Variants in ADGRE1 observed in about 807,000 individuals in gnomAD.
ADGRE1 encodes EGF-like module receptor 1.
In ADGRE1, 82 loss-of-function variants were observed where a neutral mutation model predicts 102.7. That is an observed-to-expected ratio of 0.80 (90% confidence interval 0.67 to 0.96). ADGRE1 has a LOEUF of 0.96. Ranked by LOEUF, ADGRE1 falls within the 40% of genes least tolerant of loss-of-function variation. ADGRE1 has a pLI of 0.00. For synonymous variants in ADGRE1, 398 were observed against 399.6 expected (o/e 1.00, Z 0.05); for missense variants, 1,032 against 1,085.3 (o/e 0.95, Z 0.69).
At chr19:6,920,282 C>G (rs1433207806) in intron 13 of ADGRE1, among the ~76,000 whole-genome samples, 2 of 149,938 alleles carry the variant, frequency 1.3e-5, no homozygotes, top group African/African-American at 5.0e-5. Context: ...TGCAGTGGCA[C>G]AATTTCAAGT....
At chr19:6,922,503 T>C (rs907557276) in intron 14 of ADGRE1, among the ~76,000 whole-genome samples, 2 of 151,712 alleles carry the variant, frequency 1.3e-5, no homozygotes, top group Non-Finnish European at 2.9e-5. Context: ...TTGTCCCAGC[T>C]ACTTGGGAGG....
chr19:6,895,055 G>A (rs1973501183), intron 2 of ADGRE1: 1 of 152,222 alleles, frequency 6.6e-6, no homozygotes, highest in Admixed American at 6.5e-5. Flanking sequence ...CTTGAAGATG[G>A]AACAGCGTCG....
At chr19:6,893,373 T>G (rs1159218890) in intron 2 of ADGRE1, among the ~76,000 whole-genome samples, 1 of 152,068 alleles carries the variant, frequency 6.6e-6, no homozygotes, top group African/African-American at 2.4e-5. Context: ...AATTTTTTTT[T>G]ATTTTTAGTA....
rs984224875 is a variant in ADGRE1, at chr19:6,908,688, G to A, written c.1039-1G>A. ...TCTTTTTTTTTTTTTCTGGGACGCA[G>A]GTCTCCTTTTGTGCACAAATAAATA... is the stretch of plus-strand genomic sequence containing the variant. On this transcript the variant is annotated splice_acceptor_variant, in intron 9 of 20. Transcript: ENST00000312053. LOFTEE classifies it high-confidence loss of function. 2.5e-6 allele frequency: 4 copies of A among 1,577,092 alleles called. No homozygotes were observed. The highest frequency in any genetic ancestry group is 1.4e-5 in the African/African-American group (1 of 72,044).
At chr19:6,904,243 C>T (rs1973870302) in intron 8 of ADGRE1, 61 bp downstream of exon 8, 1 of 1,588,240 alleles carries the variant, frequency 6.3e-7, no homozygotes, top group Non-Finnish European at 8.6e-7. Context: ...TTGGAAAATT[C>T]TCATTCTACC....
intron 11 of ADGRE1, 41 bp from the exon 12 acceptor site, chr19:6,916,208 T>C: frequency 1.3e-6 from 2 of 1,594,538 alleles, no homozygotes; most frequent in Non-Finnish European, 1.7e-6. Flanking sequence ...AGGACTGACT[T>C]TCTGGGTGAC....
chr19:6,939,970 A>T (rs1975604482), intron 20 of ADGRE1, 54 bp from the exon 21 acceptor site: 1 of 1,600,272 alleles, frequency 6.2e-7, no homozygotes, highest in Non-Finnish European at 8.6e-7. Context: ...CCTTGGAATC[A>T]CGTTTGTATT....
At position 6,903,849 on chromosome 19, in the gene ADGRE1, C is replaced by A; in HGVS notation, c.701C>A (p.Thr234Lys). 4 of 1,614,232 alleles carry A rather than the reference C, an allele frequency of 2.5e-6. No homozygotes were observed. The highest frequency in any genetic ancestry group is 1.7e-4 in the Middle Eastern group (1 of 6,060). Residue 234 changes from threonine (T) to lysine (K), a missense_variant, in exon 7 of 21, where the codon ACA (threonine) becomes AAA (lysine). Coordinates refer to ENST00000312053, the MANE Select transcript of ADGRE1 (RefSeq NM_001974.5). ...ECTEMCPINSTCTNTPGSYFC... is the reference protein window; with the variant it reads ...ECTEMCPINSKCTNTPGSYFC... ...ACTGAAATGTGCCCCATCAATTCAA[C>A]ATGCACCAACACTCCTGGGAGCTAC... is the stretch of plus-strand genomic sequence containing the variant.
At chr19:6,926,721 T>G in intron 16 of ADGRE1, 120 bp downstream of exon 16, 20 of 980,718 alleles carry the variant, frequency 2.0e-5, no homozygotes, top group Non-Finnish European at 3.1e-5. Context: ...TATCGAGCTC[T>G]TCTATTATGT....
intron 9 of ADGRE1, among the ~76,000 whole-genome samples, chr19:6,906,765 T>C (rs966501435): frequency 2.0e-5 from 3 of 152,190 alleles, no homozygotes; most frequent in Non-Finnish European, 4.4e-5. Context: ...CTCCAGCTCC[T>C]GCCCTCACAT....
At chr19:6,897,762 T>C (rs1354213965) in intron 5 of ADGRE1, 1 of 368,390 alleles carries the variant, frequency 2.7e-6, no homozygotes, top group Non-Finnish European at 4.5e-6. Context: ...AGCCAGCACA[T>C]GGTTGGGTCT....
chr19:6,919,838 C>G, intron 13 of ADGRE1, 91 bp downstream of exon 13: 1 of 1,288,280 alleles, frequency 7.8e-7, no homozygotes, highest in Non-Finnish European at 1.1e-6. Flanking sequence ...TTACGGGAAG[C>G]TATTGAGGCC....
At chr19:6,915,789 T>C (rs538500805) in intron 11 of ADGRE1, among the ~76,000 whole-genome samples, 1 of 151,674 alleles carries the variant, frequency 6.6e-6, no homozygotes, top group East Asian at 1.9e-4. Context: ...GGTGTGGTGG[T>C]AGGCACCTGC....
chr19:6,909,896 G>A (rs1461310976), intron 10 of ADGRE1, among the ~76,000 whole-genome samples: 4 of 151,938 alleles, frequency 2.6e-5, no homozygotes, highest in Non-Finnish European at 2.9e-5. Context: ...CACCATGCCC[G>A]GCTAATTTTG....
rs370253068 is a variant in ADGRE1, at chr19:6,887,659, G to T, written c.31+20G>T. Reference sequence around the variant, plus strand: ...TCTGGGGTGAGTGTGAGGCTGAATGGGGGGCTAGGGGAGGCCTGGATTGGA... The same window carrying T: ...TCTGGGGTGAGTGTGAGGCTGAATGTGGGGCTAGGGGAGGCCTGGATTGGA... On this transcript the variant is annotated intron_variant, in intron 1 of 20. Coordinates refer to ENST00000312053, the MANE Select transcript of ADGRE1 (RefSeq NM_001974.5). 11 of 1,605,836 alleles carry T rather than the reference G, an allele frequency of 6.9e-6. No homozygotes were observed. In the African/African-American group the frequency reaches 1.3e-4, roughly 20 times the overall value.
chr19:6,923,608 G>A (rs1344699951), intron 14 of ADGRE1, among the ~76,000 whole-genome samples: 1 of 152,004 alleles, frequency 6.6e-6, no homozygotes, highest in African/African-American at 2.4e-5. Flanking sequence ...TCAGCTCACT[G>A]CAACCTCTGC....
At chr19:6,938,092 T>A (rs1405591943) in intron 20 of ADGRE1, among the ~76,000 whole-genome samples, 1 of 151,960 alleles carries the variant, frequency 6.6e-6, no homozygotes, top group Non-Finnish European at 1.5e-5. Context: ...ATCCCAACAC[T>A]TTGGGAGGCT....
chr19:6,935,165 G>A, intron 18 of ADGRE1, 87 bp downstream of exon 18: 1 of 984,410 alleles, frequency 1.0e-6, no homozygotes, highest in Non-Finnish European at 1.5e-6. Flanking sequence ...TGTGTGCTGG[G>A]TCCTATGCCT....
intron 11 of ADGRE1, among the ~76,000 whole-genome samples, chr19:6,915,998 C>A (rs1251088151): frequency 6.6e-6 from 1 of 151,794 alleles, no homozygotes; most frequent in South Asian, 2.1e-4. Flanking sequence ...ACTTTGACCC[C>A]ATCTTTCCCT....
Sources: allele counts gnomAD v4.1 joint callset (sites outside exome capture counted in the v4.1 genomes callset), GRCh38; gene constraint gnomAD v4.1.1; transcripts MANE v1.5; gene names NCBI Gene and HGNC (gene_info 2026-07-23, HGNC 2026-07-21).